ATG16L2: variants seen among roughly 807,000 people sequenced by gnomAD.
The protein encoded by ATG16L2 is autophagy related 16 like 2, also known as protein Atg16l2.
In ATG16L2, 77 loss-of-function variants were observed where a neutral mutation model predicts 84.7. The observed-to-expected ratio is 0.91, with a 90% CI of 0.76 to 1.10. ATG16L2 has a LOEUF of 1.10. Ranked by LOEUF, ATG16L2 falls within the 50% of genes least tolerant of loss-of-function variation. The pLI is 0.00. For missense variants in ATG16L2, 782 were observed against 817.6 expected, an observed-to-expected ratio of 0.96 and a Z score of 0.53; for synonymous variants, 361 against 342.8, an observed-to-expected ratio of 1.05 and a Z score of -0.59.
chr11:72,825,112 G>A (rs1487126020), intron 9 of ATG16L2, among the ~76,000 whole-genome samples, 190 bp from the exon 10 acceptor site: 1 of 152,152 alleles, frequency 6.6e-6, no homozygotes, highest in Admixed American at 6.5e-5. Flanking sequence ...CTGCTGCAGG[G>A]GTCCAGGCAG....
intron 16 of ATG16L2, 52 bp downstream of exon 16, chr11:72,828,828 G>A (rs1380819435): frequency 6.2e-7 from 1 of 1,613,876 alleles, no homozygotes; most frequent in African/African-American, 1.3e-5. Flanking sequence ...GCCGGACCCT[G>A]TGTGTGCCCT....
In ATG16L2 at chr11:72,822,324, G is replaced by A. The variant is rs981130176; in HGVS notation, c.644+29G>A. On this transcript the variant is annotated intron_variant, in intron 5 of 17. Coordinates refer to ENST00000321297, the MANE Select transcript of ATG16L2 (RefSeq NM_033388.2). This position sits in a 1 kb window ranked among gnomAD's most constrained non-coding sequence, Gnocchi z 4.2. ...AGGGAGCAGGCCCCGCCCCTCCTGA[G>A]GAAAGGCCCCGCCCCTGCAGGGAGG... 2.0e-6 allele frequency: 3 copies of A among 1,526,436 alleles called. No individual in the cohort carries two copies. Among genetic ancestry groups the A allele is most frequent in the Non-Finnish European group, 2.6e-6 (3 of 1,141,922 alleles). 94.6% of individuals were successfully genotyped at this position (1,526,436 alleles called of 1,614,324 possible).
At position 72,828,524 on chromosome 11, in the gene ATG16L2, C is replaced by T. The variant is rs1048046107; in HGVS notation, c.1622+16C>T. The T allele has an allele frequency of 6.2e-7, 1 of 1,614,150 alleles. No individual in the cohort carries two copies. Among genetic ancestry groups the T allele is most frequent in the Middle Eastern group, 1.6e-4 (1 of 6,062 alleles). On this transcript the variant is annotated intron_variant, in intron 15 of 17. Coordinates refer to ENST00000321297, the MANE Select transcript of ATG16L2 (RefSeq NM_033388.2). ...AGGTGTTCAGGTACCAGCCTCATGC[C>T]TGCTGACCCTGTGGCCTTTGCTGGG...
intron 5 of ATG16L2, among the ~76,000 whole-genome samples, chr11:72,841,739 C>A (rs936732317): frequency 3.3e-5 from 5 of 152,158 alleles, no homozygotes; most frequent in Non-Finnish European, 5.9e-5. Flanking sequence ...ATTAAATAAC[C>A]ACCTCAAGCT....
rs189768107 is a variant in ATG16L2 at position 72,828,854 on chromosome 11, G to C, written c.1671-29G>C. ...TGTGTGCCCTCCCCTCTGACCCCCCGTTTTCTTGCTCTGCTGTGGCCACTA... is the reference window on the plus strand; with the variant it reads ...TGTGTGCCCTCCCCTCTGACCCCCCCTTTTCTTGCTCTGCTGTGGCCACTA... On this transcript the variant is annotated intron_variant, in intron 16 of 17. Transcript: ENST00000321297. 2.2e-3 allele frequency: 3,502 copies of C among 1,613,936 alleles called. 100 individuals carry two copies. In the Admixed American group the frequency reaches 0.052, roughly 24 times the overall value.
intron 3 of ATG16L2, chr11:72,821,441 C>G: frequency 1.5e-6 from 2 of 1,360,098 alleles, no homozygotes; most frequent in South Asian, 1.7e-5. Context: ...CGAAGCGGCA[C>G]GGCGAGGATT....
chr11:72,830,743 G>A (rs1017165958), downstream of ATG16L2, among the ~76,000 whole-genome samples: 2 of 152,162 alleles, frequency 1.3e-5, no homozygotes, highest in African/African-American at 2.4e-5. Context: ...GGAGCCCTTT[G>A]GATGTGACCC....
rs562042315 is a variant in ATG16L2 at position 72,820,595 on chromosome 11, C to T, written c.319-1073C>T. Among the ~76,000 whole-genome samples the T allele has an allele frequency of 4.5e-4, 68 of 152,324 alleles. No homozygotes were observed. In the Middle Eastern group the frequency reaches 0.027, roughly 61 times the overall value. On this transcript the variant is annotated intron_variant, in intron 3 of 17. Transcript: ENST00000321297. ...AACTATGAATAAAGGTGCCCCAACC[C>T]GCATGTGCAGATTCCTTCTTCGCAG...
At chr11:72,826,143 T>G in intron 10 of ATG16L2, 30 bp from the exon 11 acceptor site, 1 of 1,596,610 alleles carries the variant, frequency 6.3e-7, no homozygotes, top group Non-Finnish European at 8.6e-7. Flanking sequence ...AAGACCTCAT[T>G]TCAACTGTCC....
At chr11:72,816,522 G>A (rs946482970) in intron 1 of ATG16L2, among the ~76,000 whole-genome samples, 35 of 152,208 alleles carry the variant, frequency 2.3e-4, no homozygotes, top group African/African-American at 7.7e-4. Context: ...CTGGGGACCG[G>A]TGCTATGAGG....
downstream of ATG16L2, among the ~76,000 whole-genome samples, chr11:72,830,987 C>T (rs1232609777): frequency 6.6e-6 from 1 of 152,170 alleles, no homozygotes; most frequent in Non-Finnish European, 1.5e-5. Context: ...CCAGAATGTT[C>T]TCCTTCCCTC....
At chr11:72,834,764 G>C (rs1006542345) in intron 5 of ATG16L2, among the ~76,000 whole-genome samples, 1 of 152,110 alleles carries the variant, frequency 6.6e-6, no homozygotes, top group Non-Finnish European at 1.5e-5. Context: ...TGTATTTTTA[G>C]TAAGAGACGG....
rs1471495392 is a variant in ATG16L2, at chr11:72,828,530, A to C, written c.1622+22A>C. The C allele has an allele frequency of 4.3e-6, 7 of 1,613,770 alleles. No homozygotes were observed. In the African/African-American group the frequency reaches 8.0e-5, roughly 18 times the overall value. ...TCAGGTACCAGCCTCATGCCTGCTG[A>C]CCCTGTGGCCTTTGCTGGGACAGCT... is the stretch of plus-strand genomic sequence containing the variant. On this transcript the variant is annotated intron_variant, in intron 15 of 17. Coordinates refer to ENST00000321297, the MANE Select transcript of ATG16L2 (RefSeq NM_033388.2).
chr11:72,829,774 G>A (rs917493969), downstream of ATG16L2: 4 of 361,410 alleles, frequency 1.1e-5, no homozygotes, highest in South Asian at 2.9e-4. Context: ...TGCAGAGACA[G>A]GTGCTGCTCA....
chr11:72,825,456 TCTC>T (rs746350119), intron 10 of ATG16L2, 49 bp downstream of exon 10: 3 of 1,401,636 alleles, frequency 2.1e-6, no homozygotes, highest in Non-Finnish European at 2.0e-6. Context: ...CTCCAGACCC[TCTC>T]CTCAGCTCAC....
At chr11:72,843,485 T>C in exon 6 of ATG16L2, 1 of 1,613,846 alleles carries the variant, frequency 6.2e-7, no homozygotes, top group Non-Finnish European at 8.5e-7. Flanking sequence ...CTTCAATCAC[T>C]TCTAACACCT....
At chr11:72,819,977 C>T (rs1230385057) in intron 3 of ATG16L2, among the ~76,000 whole-genome samples, 1 of 152,128 alleles carries the variant, frequency 6.6e-6, no homozygotes, top group Non-Finnish European at 1.5e-5. Context: ...GATCTCCTGA[C>T]CTCGTGATCC....
At chr11:72,831,319 C>A (rs886224597), downstream of ATG16L2, among the ~76,000 whole-genome samples, 1 of 152,214 alleles carries the variant, frequency 6.6e-6, no homozygotes, top group Non-Finnish European at 1.5e-5. Context: ...CCAACCTGAG[C>A]AACATAGTGA....
chr11:72,823,527 C>T (rs536496579), intron 7 of ATG16L2: 1 of 392,920 alleles, frequency 2.5e-6, no homozygotes, highest in East Asian at 7.2e-5. Flanking sequence ...ATTCCCCAGC[C>T]TAACACCTCT....
Sources: gnomAD v4.1 joint callset for allele counts (sites outside exome capture counted in the v4.1 genomes callset) on GRCh38, gnomAD v4.1.1 for gene constraint, Gnocchi (gnomAD v3.1) non-coding constraint, MANE v1.5 for transcripts, NCBI Gene and HGNC (gene_info 2026-07-23, HGNC 2026-07-21) for gene names.